ABCD3: variants seen among roughly 807,000 people sequenced by gnomAD.
ABCD3 encodes ATP-binding cassette sub-family D member 3.
A neutral mutation model predicts 105.5 loss-of-function variants in ABCD3; 41 were observed. That is an observed-to-expected ratio of 0.39 (90% CI 0.30 to 0.50). The LOEUF is 0.50. Among genes scored for constraint, ABCD3 ranks in the 20% least tolerant of loss-of-function variants. The probability of loss-of-function intolerance (pLI) is 0.84; values close to 1 mark genes in which losing one functional copy is unlikely to be tolerated. For missense variants in ABCD3, 622 were observed against 806.3 expected, an observed-to-expected ratio of 0.77 and a Z score of 2.77; for synonymous variants, 258 against 269.0, an observed-to-expected ratio of 0.96 and a Z score of 0.40.
At chr1:94,454,136 A>C (rs1434950844) in intron 1 of ABCD3, among the ~76,000 whole-genome samples, 1 of 152,174 alleles carries the variant, frequency 6.6e-6, no homozygotes, top group Non-Finnish European at 1.5e-5. Flanking sequence ...AAATTGAAAG[A>C]GGACAGAAAC....
chr1:94,423,906 A>C (rs1659367010), intron 1 of ABCD3, among the ~76,000 whole-genome samples: 1 of 152,160 alleles, frequency 6.6e-6, no homozygotes, highest in South Asian at 2.1e-4. Context: ...ATCAAGCTCT[A>C]GAAGGGGCTG....
intron 1 of ABCD3, among the ~76,000 whole-genome samples, chr1:94,454,795 A>G (rs979389254): frequency 2.0e-5 from 3 of 151,714 alleles, no homozygotes; most frequent in Admixed American, 2.0e-4. Context: ...GGGATTACAG[A>G]TGTACACCAC....
intron 1 of ABCD3, among the ~76,000 whole-genome samples, chr1:94,447,994 C>T (rs1286984788): frequency 6.6e-6 from 1 of 152,148 alleles, no homozygotes; most frequent in Non-Finnish European, 1.5e-5. Context: ...GAAGCTGAGG[C>T]AGAGCTTCAG....
intron 1 of ABCD3, among the ~76,000 whole-genome samples, chr1:94,433,269 C>A (rs1228905906): frequency 6.6e-6 from 1 of 152,088 alleles, no homozygotes; most frequent in Admixed American, 6.5e-5. Context: ...ATTCTCCTGC[C>A]TCAGCCTCCT....
chr1:94,503,033 CT>C (rs1650176654), intron 20 of ABCD3, among the ~76,000 whole-genome samples: 2 of 152,136 alleles, frequency 1.3e-5, no homozygotes, highest in Admixed American at 1.3e-4. Flanking sequence ...TTCTTAAAAT[CT>C]TATGAGATTT....
chr1:94,406,655 T>C, the ABCD3 span: 1 of 167,420 alleles, frequency 6.0e-6, no homozygotes, highest in Non-Finnish European at 1.3e-5. Context: ...AAAGTATTGG[T>C]TTATAGCAAT....
chr1:94,400,467 T>G, the ABCD3 span, among the ~76,000 whole-genome samples: 1 of 151,942 alleles, frequency 6.6e-6, no homozygotes, highest in Non-Finnish European at 1.5e-5. Context: ...GAAATTAAAC[T>G]TTGAGGAACT....
At chr1:94,426,630 A>T in intron 1 of ABCD3, among the ~76,000 whole-genome samples, 2 of 149,050 alleles carry the variant, frequency 1.3e-5, no homozygotes, top group African/African-American at 2.5e-5. Flanking sequence ...GCAACCTCCG[A>T]CTCCCGGGTT....
chr1:94,488,586 T>C (rs537421550), intron 13 of ABCD3, among the ~76,000 whole-genome samples: 31 of 152,240 alleles, frequency 2.0e-4, no homozygotes, highest in African/African-American at 7.5e-4. Context: ...CTGAAGAAGT[T>C]TGATGACTGA....
At chr1:94,438,710 C>G (rs1184514090) in intron 1 of ABCD3, among the ~76,000 whole-genome samples, 1 of 152,132 alleles carries the variant, frequency 6.6e-6, no homozygotes. Flanking sequence ...GGAGGCAAGA[C>G]CCTCAACCAG....
chr1:94,496,694 G>GT (rs71094302), intron 16 of ABCD3, among the ~76,000 whole-genome samples: 855 of 39,348 alleles, frequency 0.022, 155 homozygotes, highest in East Asian at 0.082. Flanking sequence ...CCTTGTTTCT[G>GT]TTTTTTTTTT....
chr1:94,452,330 TG>T (rs1647296706), intron 1 of ABCD3, among the ~76,000 whole-genome samples: 1 of 152,102 alleles, frequency 6.6e-6, no homozygotes, highest in African/African-American at 2.4e-5. Flanking sequence ...GAGCAAATAG[TG>T]GGGTGAGAGA....
At chr1:94,394,236 T>G in the ABCD3 span, among the ~76,000 whole-genome samples, 1 of 152,198 alleles carries the variant, frequency 6.6e-6, no homozygotes, top group Non-Finnish European at 1.5e-5. Flanking sequence ...TAGCATAATG[T>G]AACCAATGTA....
At chr1:94,433,878 G>A (rs1447238387) in intron 1 of ABCD3, among the ~76,000 whole-genome samples, 1 of 151,222 alleles carries the variant, frequency 6.6e-6, no homozygotes, top group Non-Finnish European at 1.5e-5. Flanking sequence ...CGAACTCCTG[G>A]CCTCAAGTGA....
chr1:94,480,176 T>TTC (rs2101005597), intron 8 of ABCD3: 2 of 440,830 alleles, frequency 4.5e-6, no homozygotes, highest in East Asian at 8.7e-5. Flanking sequence ...CAGGAGAGTG[T>TTC]TAGATAACAT....
intron 3 of ABCD3, among the ~76,000 whole-genome samples, chr1:94,466,661 C>T (rs879712710): frequency 6.6e-6 from 1 of 152,200 alleles, no homozygotes; most frequent in Non-Finnish European, 1.5e-5. Context: ...TTTCCAGTGA[C>T]TCTTCAGGCA....
chr1:94,392,350 T>G, the ABCD3 span, among the ~76,000 whole-genome samples: 1 of 152,302 alleles, frequency 6.6e-6, no homozygotes, highest in South Asian at 2.1e-4. Context: ...TGAGTCCTTG[T>G]GTGAGGATCA....
chr1:94,393,760 G>A, the ABCD3 span, among the ~76,000 whole-genome samples: 1 of 152,102 alleles, frequency 6.6e-6, no homozygotes, highest in Non-Finnish European at 1.5e-5. Flanking sequence ...AGAAAGAAGG[G>A]TATATCCAGG....
rs1483976833 is a variant in ABCD3, at chr1:94,493,643, C to T, written c.1386+2396C>T. ...ATGCTGCTATAAAGACACATGCACA[C>T]GTATGTTTATTGCGGCACTATTCAC... On this transcript the variant is annotated intron_variant, in intron 16 of 22. Coordinates refer to ENST00000370214, the MANE Select transcript of ABCD3 (RefSeq NM_002858.4). 4.8e-3 allele frequency among the ~76,000 whole-genome samples: 722 copies of T among 151,788 alleles called. 1 individual carries two copies. The highest frequency in any genetic ancestry group is 8.6e-3 in the African/African-American group (356 of 41,400).
Sources: gnomAD v4.1 joint callset for allele counts (sites outside exome capture counted in the v4.1 genomes callset) on GRCh38, gnomAD v4.1.1 for gene constraint, MANE v1.5 for transcripts, NCBI Gene and HGNC (gene_info 2026-07-23, HGNC 2026-07-21) for gene names.